ATM: variants seen among roughly 807,000 people sequenced by gnomAD.
ATM encodes the protein ATM serine/threonine kinase, also known as serine-protein kinase ATM.
A neutral mutation model predicts 387.0 loss-of-function variants in ATM; 308 were observed. The observed-to-expected ratio is 0.80, with a 90% confidence interval of 0.73 to 0.87. The LOEUF is 0.87. Among genes scored for constraint, ATM ranks in the 40% least tolerant of loss-of-function variants. The pLI, the probability that ATM is intolerant of heterozygous loss-of-function variation, is 0.00. For missense variants in ATM, 3,312 were observed against 3,560.9 expected (o/e 0.93, Z 1.78); for synonymous variants, 1,156 against 1,187.3 (o/e 0.97, Z 0.54).
chr11:108,348,642 A>C (rs986256166), intron 59 of ATM, among the ~76,000 whole-genome samples: 1 of 152,040 alleles, frequency 6.6e-6, no homozygotes, highest in Non-Finnish European at 1.5e-5. Context: ...TCACTAGGTG[A>C]TAATTTTTAG....
intron 61 of ATM, among the ~76,000 whole-genome samples, chr11:108,362,012 A>G (rs1176111735): frequency 1.5e-5 from 2 of 132,756 alleles, no homozygotes; most frequent in Non-Finnish European, 3.2e-5. Flanking sequence ...TGAACAGGCA[A>G]CCTACAAAAT....
rs730881388 is a variant in ATM, at chr11:108,271,378, C to T, written c.3049C>T (p.Gln1017Ter). The T allele has an allele frequency of 6.2e-7, 1 of 1,614,060 alleles. No homozygotes were observed. Among genetic ancestry groups the T allele is most frequent in the Non-Finnish European group, 8.5e-7 (1 of 1,180,000 alleles). Residue 1017 changes from glutamine (Q) to a stop codon, truncating the protein, a stop_gained, in exon 20 of 63, where the codon CAG becomes TAG. Transcript: ENST00000675843. LOFTEE classifies it high-confidence loss of function. The stretch of plus-strand genomic sequence containing the variant: ...TGAGAACACAAGGGATGCTCAAGGA[C>T]AGTTTCTTACAGTAATTGGAGCATT... ...DSENTRDAQG[Q>*]FLTVIGAFWH...
In ATM at chr11:108,332,040, A is replaced by T. The variant is rs869312788; in HGVS notation, c.7788+3A>T. The T allele has an allele frequency of 6.2e-7, 1 of 1,613,522 alleles. No homozygotes were observed. The highest frequency in any genetic ancestry group is 8.5e-7 in the Non-Finnish European group (1 of 1,179,640). On this transcript the variant is annotated splice_donor_region_variant and intron_variant, in intron 52 of 62. Coordinates refer to ENST00000675843, the MANE Select transcript of ATM (RefSeq NM_000051.4). The stretch of plus-strand genomic sequence containing the variant: ...AACAAAGCTCTCAGCTTGATGAGGT[A>T]TTTGGATTAAACATACGTACCTTTT...
At chr11:108,225,850 G>A (rs1393110435) in intron 1 of ATM, 1 of 152,114 alleles carries the variant, frequency 6.6e-6, no homozygotes, top group Non-Finnish European at 1.5e-5. Flanking sequence ...TCCTTCATAG[G>A]AAGATTGGAC....
chr11:108,360,262 T>C lies in ATM; in HGVS notation c.8851-4820T>C, dbSNP rs1000098120. Among the ~76,000 whole-genome samples the C allele has an allele frequency of 1.0e-3, 108 of 107,824 alleles. 1 individual carries two copies. The highest frequency in any genetic ancestry group is 2.9e-3 in the African/African-American group (102 of 35,054). The allele number at this position is 107,824 out of a possible 152,430, so 70.7% of individuals were successfully genotyped here. Reference sequence around the variant, plus strand: ...CTAAACCAGGAAGAAGTTGAATCTCTGAATAGACCAGTAACAGGAGCTGAA... The same window carrying C: ...CTAAACCAGGAAGAAGTTGAATCTCCGAATAGACCAGTAACAGGAGCTGAA... On this transcript the variant is annotated intron_variant, in intron 61 of 62. Coordinates refer to ENST00000675843, the MANE Select transcript of ATM (RefSeq NM_000051.4).
intron 16 of ATM, among the ~76,000 whole-genome samples, chr11:108,263,769 A>C (rs2081052968): frequency 6.7e-6 from 1 of 149,122 alleles, no homozygotes; most frequent in Non-Finnish European, 1.5e-5. Context: ...GAAGAATCAA[A>C]TAGACGCAAT....
chr11:108,231,696 C>CAAAAAAAAAAAA (rs144747278), intron 4 of ATM: 3 of 74,936 alleles, frequency 4.0e-5, no homozygotes, highest in Admixed American at 1.7e-4. Flanking sequence ...AACTCTGTCT[C>CAAAAAAAAAAAA]AAAAAAAAAA....
At chr11:108,231,795 G>T (rs1335047777) in intron 4 of ATM, among the ~76,000 whole-genome samples, 1 of 151,874 alleles carries the variant, frequency 6.6e-6, no homozygotes, top group Non-Finnish European at 1.5e-5. Context: ...CAGATTGGTG[G>T]TATGAGACTT....
chr11:108,252,414 C>G (rs751368752), intron 11 of ATM, among the ~76,000 whole-genome samples: 1 of 151,922 alleles, frequency 6.6e-6, no homozygotes, highest in Non-Finnish European at 1.5e-5. Flanking sequence ...GGTGAGGAAA[C>G]GAGGAAGACA....
intron 13 of ATM, among the ~76,000 whole-genome samples, chr11:108,255,576 C>T (rs868673964): frequency 2.6e-5 from 4 of 151,938 alleles, no homozygotes; most frequent in Admixed American, 2.0e-4. Flanking sequence ...TAGGTGCCTG[C>T]CATCACGCCC....
intron 58 of ATM, chr11:108,346,507 T>G (rs1391606407): frequency 6.6e-6 from 1 of 152,274 alleles, no homozygotes; most frequent in African/African-American, 2.4e-5. Context: ...TTGTTTTTTT[T>G]TTTTTTAACT....
intron 16 of ATM, among the ~76,000 whole-genome samples, chr11:108,266,619 A>G (rs1253277102): frequency 6.6e-6 from 1 of 152,038 alleles, no homozygotes; most frequent in Non-Finnish European, 1.5e-5. Flanking sequence ...CATGTACCCT[A>G]AAACTTAAAG....
chr11:108,284,577 A>T (rs953934944), intron 26 of ATM, 104 bp downstream of exon 26: 19 of 1,491,126 alleles, frequency 1.3e-5, no homozygotes, highest in Non-Finnish European at 1.6e-5. Context: ...TATATATTGA[A>T]ACTTAGCTTG....
In ATM at chr11:108,287,614, C is replaced by T. The variant is rs748055132; in HGVS notation, c.4008C>T (p.Phe1336=). The T allele has an allele frequency of 3.7e-6, 6 of 1,610,644 alleles. No homozygotes were observed. The African/African-American group carries it at 6.7e-5, about 18-fold the overall frequency. Residue 1336 remains phenylalanine (F), a synonymous_variant, in exon 27 of 63, where the codon TTC becomes TTT. Coordinates refer to ENST00000675843, the MANE Select transcript of ATM (RefSeq NM_000051.4). ...TGCCCTTGCAGATTGATCACTTATT[C>T]ATTAGTAATTTACCAGAGATTGTGG... ...NLLGKQIDHL[F]ISNLPEIVVE... is the part of the protein sequence containing the mutation.
At position 108,253,877 on chromosome 11, in the gene ATM, G is replaced by T. The variant is rs1416371202; in HGVS notation, c.1962G>T (p.Gln654His). ...CAGAAGTAGAAGAACTATTTCTTCA[G>T]ACAACTTTTGACAAGATGGACTTTT... Reference protein sequence around the residue: ...SFSEVEELFLQTTFDKMDFLT... With the variant: ...SFSEVEELFLHTTFDKMDFLT... The change falls in exon 13 of 63, where the codon CAG (glutamine) becomes CAT (histidine). Residue 654 changes from glutamine to histidine, a missense_variant. Physicochemically the swap from Gln to His is conservative, Grantham distance 24. Coordinates refer to ENST00000675843, the MANE Select transcript of ATM (RefSeq NM_000051.4). 3 of 1,613,966 alleles carry T rather than the reference G, an allele frequency of 1.9e-6. No individual in the cohort carries two copies. Among genetic ancestry groups the T allele is most frequent in the African/African-American group, 1.3e-5 (1 of 75,028 alleles).
rs149254833 is a variant in ATM, at chr11:108,233,018, A to T, written c.332-2652A>T. ...ACTGGGATTACAGGCATGCCCCACC[A>T]TGCCCAGCTAATTTTGTATTTTTAG... On this transcript the variant is annotated intron_variant, in intron 4 of 62. Coordinates refer to ENST00000675843, the MANE Select transcript of ATM (RefSeq NM_000051.4). Among the ~76,000 whole-genome samples the T allele has an allele frequency of 2.4e-3, 371 of 151,892 alleles. 9 individuals are homozygous for T. The East Asian group carries it at 0.069, about 28-fold the overall frequency.
In ATM at chr11:108,368,190, G is replaced by A. The variant is rs1384540603; in HGVS notation, c.*2682G>A. On this transcript the variant is annotated 3_prime_UTR_variant, in exon 63 of 63. Coordinates refer to ENST00000675843, the MANE Select transcript of ATM (RefSeq NM_000051.4). ...TAGGAGAAATAACTAATTCACAGAT[G>A]ACAGAATTAAGATTATAAAAGATTT... 2.9e-5 allele frequency: 6 copies of A among 203,434 alleles called. No individual in the cohort carries two copies. The highest frequency in any genetic ancestry group is 3.0e-5 in the Non-Finnish European group (3 of 99,972). 12.6% of individuals were successfully genotyped at this position (203,434 alleles called of 1,614,324 possible). A position where few individuals can be genotyped will look rare whatever the true frequency, so the allele number is the denominator to read the frequency against.
In ATM at chr11:108,316,150, G is replaced by A. The variant is rs755970192; in HGVS notation, c.6198+37G>A. ...CCCAGATTTGGTAAAGCCATCACTAGTGTAGTGCTGAGGTTATTTCAGTAT... is the reference window on the plus strand; with the variant it reads ...CCCAGATTTGGTAAAGCCATCACTAATGTAGTGCTGAGGTTATTTCAGTAT... On this transcript the variant is annotated intron_variant, in intron 42 of 62. Transcript: ENST00000675843. 12 of 1,552,062 alleles carry A rather than the reference G, an allele frequency of 7.7e-6. No individual in the cohort carries two copies. The highest frequency in any genetic ancestry group is 2.7e-6 in the Non-Finnish European group (3 of 1,125,364).
chr11:108,355,441 G>C (rs1410035364), intron 61 of ATM: 2 of 157,402 alleles, frequency 1.3e-5, no homozygotes, highest in South Asian at 1.9e-4. Flanking sequence ...GCCTTGTCTT[G>C]ATCCAGGGCA....
Sources: gnomAD v4.1 joint callset for allele counts (sites outside exome capture counted in the v4.1 genomes callset) on GRCh38, gnomAD v4.1.1 for gene constraint, MANE v1.5 for transcripts, NCBI Gene and HGNC (gene_info 2026-07-23, HGNC 2026-07-21) for gene names.